Variants in AP4B1 observed in about 807,000 individuals in gnomAD.
AP4B1 encodes AP-4 complex subunit beta-1.
In AP4B1, 49 loss-of-function variants were observed where a neutral mutation model predicts 76.5. The observed-to-expected ratio is 0.64, with a 90% CI of 0.51 to 0.81. The LOEUF is 0.81. Ranked by LOEUF, AP4B1 falls within the 40% of genes least tolerant of loss-of-function variation. AP4B1 has a pLI of 0.00. For missense variants in AP4B1, 911 were observed against 904.9 expected, an observed-to-expected ratio of 1.01 and a Z score of -0.09; for synonymous variants, 330 against 333.3, an observed-to-expected ratio of 0.99 and a Z score of 0.11.
At chr1:113,896,499 C>A in intron 7 of AP4B1, 34 bp from the exon 8 acceptor site, 1 of 1,604,414 alleles carries the variant, frequency 6.2e-7, no homozygotes, top group Non-Finnish European at 8.5e-7. Context: ...AAGTGCTCAA[C>A]ACTTGACTGT....
Position 113,895,865 on chromosome 1 carries a change from T to C in AP4B1, c.1684A>G (p.Thr562Ala). Reference protein sequence around the residue: ...PVNSWASDFNTLVPVYGKAHW... With the variant: ...PVNSWASDFNALVPVYGKAHW... ...GCTTTGCCATACACTGGCACCAGTG[T>C]GTTGAAGTCTGAGGCCCAGCTATTC... The change falls in exon 9 of 10, where the codon ACA becomes GCA. Residue 562 changes from threonine (T) to alanine (A), a missense_variant. Coordinates refer to ENST00000369569, the MANE Select transcript of AP4B1 (RefSeq NM_001253852.3). 1.2e-6 allele frequency: 2 copies of C among 1,614,216 alleles called. No homozygotes were observed. The highest frequency in any genetic ancestry group is 1.7e-6 in the Non-Finnish European group (2 of 1,180,038).
intron 4 of AP4B1, chr1:113,900,998 TCGG>T: frequency 5.9e-6 from 3 of 506,242 alleles, no homozygotes; most frequent in Non-Finnish European, 1.1e-5. Context: ...TCCCAGCTAC[TCGG>T]GAGGCTGAGG....
chr1:113,901,375 G>C lies in AP4B1; in HGVS notation c.478C>G (p.Leu160Val). The change falls in exon 4 of 10, where the codon CTG becomes GTG. Residue 160 changes from leucine to valine, a missense_variant. Transcript: ENST00000369569. ...AGCAAACTGTATAATTCATTTACCA[G>C]GGCACCATCTATAAAAAAGAACAAA... is the stretch of plus-strand genomic sequence containing the variant. ...LHGDSEVDGA[L>V]VNELYSLLRD... is the part of the protein sequence containing the mutation. 6.2e-7 allele frequency: 1 copy of C among 1,613,976 alleles called. No individual in the cohort carries two copies. Among genetic ancestry groups the C allele is most frequent in the South Asian group, 1.1e-5 (1 of 91,066 alleles).
intron 7 of AP4B1, chr1:113,897,420 C>G (rs1381790816): frequency 7.3e-6 from 2 of 274,570 alleles, no homozygotes; most frequent in Non-Finnish European, 7.1e-6. Context: ...GCAAAACCCT[C>G]TCTACTAAAA....
intron 7 of AP4B1, 47 bp downstream of exon 7, chr1:113,897,793 T>C: frequency 4.4e-6 from 7 of 1,593,604 alleles, no homozygotes; most frequent in Non-Finnish European, 6.0e-6. Context: ...GGGCAGGGTT[T>C]CAAGCATTCT....
intron 2 of AP4B1, 42 bp from the exon 3 acceptor site, chr1:113,901,927 A>G (rs1253766900): frequency 6.2e-7 from 1 of 1,613,502 alleles, no homozygotes; most frequent in Non-Finnish European, 8.5e-7. Context: ...CTGAAATACT[A>G]ATTTTGACAT....
chr1:113,904,590 G>A lies in AP4B1; in HGVS notation c.113+15C>T, dbSNP rs1668736368. 6.2e-7 allele frequency: 1 copy of A among 1,612,094 alleles called. No individual in the cohort carries two copies. The highest frequency in any genetic ancestry group is 1.1e-5 in the South Asian group (1 of 91,044). ...CAAAGGGAGCAGTTAGCACGCGAAG[G>A]GAGGTAGGTGATACCTAATCACTCG... On this transcript the variant is annotated intron_variant, in intron 1 of 9. Transcript: ENST00000369569.
At position 113,895,076 on chromosome 1, in the gene AP4B1, TTTC is replaced by T. The variant is rs1351049397; in HGVS notation, c.2206_2208del (p.Glu736del). 1.9e-6 allele frequency: 3 copies of T among 1,613,532 alleles called. No homozygotes were observed. Among genetic ancestry groups the T allele is most frequent in the East Asian group, 4.5e-5 (2 of 44,896 alleles). The stretch of plus-strand genomic sequence containing the variant: ...GCAACAAGACTCTGTTATGATTTTA[TTTC>T]TTCAATTGTTCCAATCACAGTTTCT... On this transcript the variant is annotated inframe_deletion, in exon 10 of 10. Coordinates refer to ENST00000369569, the MANE Select transcript of AP4B1 (RefSeq NM_001253852.3).
Position 113,902,726 on chromosome 1 carries a change from G to A in AP4B1, c.250C>T (p.Leu84Phe), listed in dbSNP as rs1466528431. Reference protein sequence around the residue: ...TYAPLKPDLALLAINTLCKDC... With the variant: ...TYAPLKPDLAFLAINTLCKDC... Reference sequence around the variant, plus strand: ...TTGCACAGCGTATTGATGGCCAGGAGAGCCAGATCTGGTTTCAGGGGAGCA... The same window carrying A: ...TTGCACAGCGTATTGATGGCCAGGAAAGCCAGATCTGGTTTCAGGGGAGCA... Residue 84 changes from leucine (L) to phenylalanine (F), a missense_variant, in exon 2 of 10, where the codon CTC becomes TTC. Leu to Phe is a conservative substitution (Grantham distance 22, BLOSUM62 0). Coordinates refer to ENST00000369569, the MANE Select transcript of AP4B1 (RefSeq NM_001253852.3). 1.2e-6 allele frequency: 2 copies of A among 1,614,226 alleles called. No homozygotes were observed. The highest frequency in any genetic ancestry group is 1.7e-6 in the Non-Finnish European group (2 of 1,180,050).
At position 113,895,470 on chromosome 1, in the gene AP4B1, G is replaced by T; in HGVS notation, c.1815C>A (p.Asn605Lys). ...AASGPLIPEE[N>K]KERVQELPDS... ...CAGGGAGTTCTTGTACCCTCTCCTT[G>T]TTCTCTTCAGGAATCAAGGGTCCTA... Residue 605 changes from asparagine to lysine, a missense_variant, in exon 10 of 10, where the codon AAC becomes AAA. Asn to Lys is a moderately conservative substitution (Grantham distance 94, BLOSUM62 0). Transcript: ENST00000369569. 1.2e-6 allele frequency: 2 copies of T among 1,614,182 alleles called. No homozygotes were observed. The highest frequency in any genetic ancestry group is 1.3e-5 in the African/African-American group (1 of 75,038).
intron 5 of AP4B1, chr1:113,899,422 A>C: frequency 1.0e-5 from 9 of 861,514 alleles, no homozygotes; most frequent in Non-Finnish European, 1.3e-5. Flanking sequence ...GCAGAAGCTC[A>C]ATAAATGACT....
At chr1:113,901,520 G>C in intron 3 of AP4B1, 137 bp from the exon 4 acceptor site, 1 of 1,215,636 alleles carries the variant, frequency 8.2e-7, no homozygotes, top group Non-Finnish European at 1.1e-6. Context: ...TAAAGTGCAA[G>C]GCAAAAAAAA....
At position 113,894,756 on chromosome 1, in the gene AP4B1, C is replaced by A; in HGVS notation, c.*309G>T. Reference sequence around the variant, plus strand: ...ATGATGACCCCTATCAGTTTCCACACATCAGCCATCTTTAATTACTAACAC... The same window carrying A: ...ATGATGACCCCTATCAGTTTCCACAAATCAGCCATCTTTAATTACTAACAC... On this transcript the variant is annotated 3_prime_UTR_variant, in exon 10 of 10. Transcript: ENST00000369569. 2.9e-6 allele frequency: 1 copy of A among 347,816 alleles called. No individual in the cohort carries two copies. The highest frequency in any genetic ancestry group is 5.4e-6 in the Non-Finnish European group (1 of 184,626). 21.5% of individuals were successfully genotyped at this position (347,816 alleles called of 1,614,324 possible).
chr1:113,898,889 G>T (rs879204724), intron 5 of AP4B1, 88 bp from the exon 6 acceptor site: 8 of 910,936 alleles, frequency 8.8e-6, no homozygotes, highest in Non-Finnish European at 9.7e-6. Flanking sequence ...AAAGACAAAA[G>T]AAACAGAATT....
At chr1:113,902,006 A>G (rs1668334404) in intron 2 of AP4B1, 121 bp from the exon 3 acceptor site, 2 of 1,285,882 alleles carry the variant, frequency 1.6e-6, no homozygotes, top group South Asian at 2.4e-5. Flanking sequence ...GAAGAATTGC[A>G]GAAAGCCTCT....
intron 3 of AP4B1, 119 bp from the exon 4 acceptor site, chr1:113,901,502 G>T: frequency 7.8e-7 from 1 of 1,283,550 alleles, no homozygotes; most frequent in Non-Finnish European, 1.1e-6. Context: ...AAATGACAAA[G>T]GCCACACTAA....
chr1:113,898,523 T>C (rs1667776846), intron 6 of AP4B1, among the ~76,000 whole-genome samples, 195 bp downstream of exon 6: 3 of 152,248 alleles, frequency 2.0e-5, no homozygotes, highest in African/African-American at 7.2e-5. Context: ...TACAGCCTTA[T>C]AGATCATGGC....
chr1:113,897,682 A>G, intron 7 of AP4B1, 158 bp downstream of exon 7: 1 of 720,420 alleles, frequency 1.4e-6, no homozygotes, highest in African/African-American at 1.8e-5. Flanking sequence ...TTTATAATTT[A>G]TATGCCATCT....
chr1:113,904,601 A>T lies in AP4B1; in HGVS notation c.113+4T>A. ...GTTAGCACGCGAAGGGAGGTAGGTGATACCTAATCACTCGCTGGATGACAT... is the reference window on the plus strand; with the variant it reads ...GTTAGCACGCGAAGGGAGGTAGGTGTTACCTAATCACTCGCTGGATGACAT... On this transcript the variant is annotated splice_donor_region_variant and intron_variant, in intron 1 of 9. Transcript: ENST00000369569. The T allele has an allele frequency of 6.2e-7, 1 of 1,613,740 alleles. No homozygotes were observed. Among genetic ancestry groups the T allele is most frequent in the Non-Finnish European group, 8.5e-7 (1 of 1,179,704 alleles).
Sources: gnomAD v4.1 joint callset for allele counts (sites outside exome capture counted in the v4.1 genomes callset) on GRCh38, gnomAD v4.1.1 for gene constraint, MANE v1.5 for transcripts, NCBI Gene and HGNC (gene_info 2026-07-23, HGNC 2026-07-21) for gene names.